CSMD1: variants seen among roughly 807,000 people sequenced by gnomAD.
The protein encoded by CSMD1 is CUB and sushi domain-containing protein 1.
A neutral mutation model predicts 417.5 loss-of-function variants in CSMD1; 213 were observed. The ratio of observed to expected loss-of-function variants is 0.51; its 90% CI spans 0.46 to 0.57. CSMD1 has a LOEUF of 0.57. Among genes scored for constraint, CSMD1 ranks in the 20% least tolerant of loss-of-function variants. CSMD1 has a pLI of 0.00. For synonymous variants in CSMD1, 2,862 were observed against 1,736.8 expected (o/e 1.65, Z -16.11); for missense variants, 6,923 against 4,529.7 (o/e 1.53, Z -15.17).
intron 3 of CSMD1, among the ~76,000 whole-genome samples, chr8:4,208,654 C>T (rs1800121083): frequency 6.6e-6 from 1 of 151,992 alleles, no homozygotes; most frequent in South Asian, 2.1e-4. Context: ...AGTAGAATGA[C>T]ATAAAACCAA....
chr8:3,994,284 G>A (rs143033257), intron 5 of CSMD1, among the ~76,000 whole-genome samples: 1 of 151,944 alleles, frequency 6.6e-6, no homozygotes, highest in Non-Finnish European at 1.5e-5. Flanking sequence ...GGGAGTAAAT[G>A]CTCCCTCAGT....
chr8:3,379,727 C>A (rs184965808), intron 18 of CSMD1, among the ~76,000 whole-genome samples: 5 of 152,262 alleles, frequency 3.3e-5, no homozygotes, highest in African/African-American at 1.2e-4. Context: ...CCCTTCCTTA[C>A]ACTTTATACA....
At chr8:4,747,429 A>G (rs1483737290) in intron 1 of CSMD1, among the ~76,000 whole-genome samples, 1 of 152,186 alleles carries the variant, frequency 6.6e-6, no homozygotes, top group East Asian at 1.9e-4. Context: ...AGTGTGTTAA[A>G]AGGTGGTACT....
chr8:3,354,298 TG>T (rs1808598346), intron 21 of CSMD1, among the ~76,000 whole-genome samples: 1 of 152,170 alleles, frequency 6.6e-6, no homozygotes, highest in South Asian at 2.1e-4. Flanking sequence ...ACATAATGGC[TG>T]GAAGTAAAGG....
intron 10 of CSMD1, among the ~76,000 whole-genome samples, chr8:3,569,652 T>C (rs1018883090): frequency 2.0e-5 from 3 of 152,210 alleles, no homozygotes; most frequent in Non-Finnish European, 4.4e-5. Flanking sequence ...TCTTTTCTCT[T>C]ATGTTCAATA....
At chr8:2,939,016 G>A (rs980294733) in intron 69 of CSMD1, among the ~76,000 whole-genome samples, 1 of 152,180 alleles carries the variant, frequency 6.6e-6, no homozygotes, top group Non-Finnish European at 1.5e-5. Flanking sequence ...CCAGGCTGGA[G>A]TGCAGTGGCA....
At chr8:3,067,246 G>A (rs376128117) in intron 49 of CSMD1, among the ~76,000 whole-genome samples, 32 of 152,080 alleles carry the variant, frequency 2.1e-4, no homozygotes, top group African/African-American at 6.5e-4. Context: ...GTCTCTTATC[G>A]TGACGTTTTT....
At chr8:4,200,582 C>T (rs970440998) in intron 3 of CSMD1, among the ~76,000 whole-genome samples, 47 of 151,560 alleles carry the variant, frequency 3.1e-4, no homozygotes, top group African/African-American at 1.0e-3. Flanking sequence ...TCTTGGCGGG[C>T]CTGGAGGCTC....
At chr8:3,343,481 AT>A (rs1807794568) in intron 22 of CSMD1, 31 bp from the exon 23 acceptor site, 12 of 1,590,318 alleles carry the variant, frequency 7.5e-6, no homozygotes, top group Non-Finnish European at 9.5e-6. Flanking sequence ...GAGTCCCTCT[AT>A]GCCTTCACTG....
intron 50 of CSMD1, among the ~76,000 whole-genome samples, chr8:3,035,449 G>A (rs546023642): frequency 2.6e-4 from 39 of 152,216 alleles, no homozygotes; most frequent in African/African-American, 8.2e-4. Flanking sequence ...CCATCTGTGG[G>A]TCTCACATCA....
chr8:3,987,207 A>G (rs1563287820), intron 5 of CSMD1, among the ~76,000 whole-genome samples: 1 of 152,168 alleles, frequency 6.6e-6, no homozygotes, highest in East Asian at 1.9e-4. Context: ...CACCGTGCCC[A>G]CAACAGCAGC....
Position 3,407,876 on chromosome 8 carries a change from G to C in CSMD1, c.2071+23C>G, listed in dbSNP as rs1423762135. 13 of 1,570,298 alleles carry C rather than the reference G, an allele frequency of 8.3e-6. No individual in the cohort carries two copies. The Middle Eastern group carries it at 2.0e-3, about 246-fold the overall frequency. ...GTAAGTAAAATGAGAACTTGGATGT[G>C]TTGACTGTGTGGGCGTACTTACTGG... On this transcript the variant is annotated intron_variant, in intron 14 of 69. Transcript: ENST00000635120.
chr8:4,145,884 T>A (rs1563183646), intron 3 of CSMD1, among the ~76,000 whole-genome samples: 1 of 151,082 alleles, frequency 6.6e-6, no homozygotes, highest in African/African-American at 2.5e-5. Context: ...TTCAAAATCA[T>A]GTCTTGCTCA....
chr8:3,753,556 G>A (rs1196212868), intron 6 of CSMD1, among the ~76,000 whole-genome samples: 2 of 152,150 alleles, frequency 1.3e-5, no homozygotes, highest in African/African-American at 4.8e-5. Flanking sequence ...AATACTTTTT[G>A]TGCATTTTCA....
At chr8:4,893,729 T>C (rs1563694191) in intron 1 of CSMD1, among the ~76,000 whole-genome samples, 1 of 152,176 alleles carries the variant, frequency 6.6e-6, no homozygotes, top group Non-Finnish European at 1.5e-5. Flanking sequence ...AGTCTTCTTC[T>C]GGACTACTTG....
At chr8:3,381,961 A>G (rs1340268287) in intron 18 of CSMD1, among the ~76,000 whole-genome samples, 3 of 152,046 alleles carry the variant, frequency 2.0e-5, no homozygotes, top group African/African-American at 7.2e-5. Context: ...TTTTTCCTTT[A>G]AAAAGAATGT....
intron 3 of CSMD1, among the ~76,000 whole-genome samples, chr8:4,039,219 T>A (rs906816359): frequency 6.6e-6 from 1 of 152,154 alleles, no homozygotes; most frequent in Non-Finnish European, 1.5e-5. Flanking sequence ...TCTCTCCATT[T>A]CTCTACACTT....
At chr8:4,772,519 G>A (rs553320340) in intron 1 of CSMD1, among the ~76,000 whole-genome samples, 1 of 152,126 alleles carries the variant, frequency 6.6e-6, no homozygotes, top group Admixed American at 6.5e-5. Flanking sequence ...TGGTATTACA[G>A]CATGGATATT....
At chr8:3,887,352 C>T (rs946664152) in intron 5 of CSMD1, among the ~76,000 whole-genome samples, 3 of 152,138 alleles carry the variant, frequency 2.0e-5, no homozygotes, top group African/African-American at 7.2e-5. Flanking sequence ...GCAATAAAAG[C>T]AAGATAAATC....
Sources: gnomAD v4.1 joint callset for allele counts (sites outside exome capture counted in the v4.1 genomes callset) on GRCh38, gnomAD v4.1.1 for gene constraint, MANE v1.5 for transcripts, NCBI Gene and HGNC (gene_info 2026-07-23, HGNC 2026-07-21) for gene names.